The following PTPRT variants were observed in gnomAD, a reference collection of about 807,000 sequenced individuals.
PTPRT encodes protein tyrosine phosphatase receptor type T.
In PTPRT, 56 loss-of-function variants were observed where a neutral mutation model predicts 176.8. The ratio of observed to expected loss-of-function variants is 0.32; its 90% CI spans 0.26 to 0.40. The LOEUF is 0.40. PTPRT is among the 10% of genes least tolerant of loss of function. The pLI is 1.00. For missense variants in PTPRT, 1,540 were observed against 1,908.2 expected (o/e 0.81, Z 3.60); for synonymous variants, 783 against 739.0 (o/e 1.06, Z -0.96).
intron 2 of PTPRT, among the ~76,000 whole-genome samples, chr20:42,884,217 T>C (rs2079068896): frequency 6.6e-6 from 1 of 152,174 alleles, no homozygotes; most frequent in Non-Finnish European, 1.5e-5. Flanking sequence ...CACCTGTTGA[T>C]GACTTTGCTC....
At chr20:42,472,017 G>A (rs1197176301) in intron 8 of PTPRT, among the ~76,000 whole-genome samples, 2 of 152,152 alleles carry the variant, frequency 1.3e-5, no homozygotes, top group Non-Finnish European at 1.5e-5. Context: ...GCAAGAAGAG[G>A]GATGGGGGTA....
At chr20:43,150,878 T>C (rs1017023831) in intron 1 of PTPRT, among the ~76,000 whole-genome samples, 2 of 152,194 alleles carry the variant, frequency 1.3e-5, no homozygotes, top group Admixed American at 1.3e-4. Context: ...TGAAGGCAGA[T>C]GTGATCTGCC....
At chr20:42,057,468 C>T in the PTPRT span, among the ~76,000 whole-genome samples, 1 of 152,196 alleles carries the variant, frequency 6.6e-6, no homozygotes, top group African/African-American at 2.4e-5. Flanking sequence ...TGGCCTATAT[C>T]TTCCCCATCT....
chr20:42,654,495 T>C (rs956957880), intron 7 of PTPRT, among the ~76,000 whole-genome samples: 4 of 152,064 alleles, frequency 2.6e-5, no homozygotes, highest in Admixed American at 6.5e-5. Context: ...AACCCACTCA[T>C]TGAGGGCACG....
intron 2 of PTPRT, among the ~76,000 whole-genome samples, chr20:42,842,627 C>T: frequency 6.6e-6 from 1 of 152,194 alleles, no homozygotes; most frequent in Non-Finnish European, 1.5e-5. Context: ...ACCATGTTGG[C>T]TAGTATGGTC....
At chr20:42,930,088 C>A (rs1979735904) in intron 1 of PTPRT, among the ~76,000 whole-genome samples, 1 of 152,180 alleles carries the variant, frequency 6.6e-6, no homozygotes, top group Non-Finnish European at 1.5e-5. Context: ...TAAGCATAAT[C>A]TCTCCGGACT....
At chr20:42,408,451 T>A (rs2058981746) in intron 9 of PTPRT, among the ~76,000 whole-genome samples, 1 of 152,100 alleles carries the variant, frequency 6.6e-6, no homozygotes, top group South Asian at 2.1e-4. Flanking sequence ...TAAGGTGATG[T>A]TTTCTTGATA....
chr20:42,862,980 T>C (rs2078687302), intron 2 of PTPRT, among the ~76,000 whole-genome samples: 1 of 152,216 alleles, frequency 6.6e-6, no homozygotes, highest in Non-Finnish European at 1.5e-5. Context: ...GCATATGCAC[T>C]TCTACTATCT....
rs1453384386 is a variant in PTPRT, at chr20:43,007,016, C to T, written c.89-121084G>A. On this transcript the variant is annotated intron_variant, in intron 1 of 30. Transcript: ENST00000373187. ...CTTCATACATCAGCATGAACTGAAC[C>T]CAGGTGAATCTTGCCAGAACAATCA... Among the ~76,000 whole-genome samples, 5 of 152,128 alleles carry T rather than the reference C, an allele frequency of 3.3e-5. No individual in the cohort carries two copies. The South Asian group carries it at 1.0e-3, about 32-fold the overall frequency.
intron 1 of PTPRT, among the ~76,000 whole-genome samples, chr20:43,153,798 C>T (rs1239859651): frequency 6.6e-6 from 1 of 152,152 alleles, no homozygotes; most frequent in Non-Finnish European, 1.5e-5. Flanking sequence ...GATTGAATTT[C>T]CACAGAGGCT....
At chr20:42,414,426 A>T (rs1473400421) in intron 9 of PTPRT, among the ~76,000 whole-genome samples, 20 of 152,354 alleles carry the variant, frequency 1.3e-4, no homozygotes, top group Non-Finnish European at 1.9e-4. Flanking sequence ...TAAACAAGAG[A>T]CTGAAATAAA....
chr20:42,461,451 C>A (rs537391742), intron 8 of PTPRT, among the ~76,000 whole-genome samples: 2 of 152,120 alleles, frequency 1.3e-5, no homozygotes, highest in Non-Finnish European at 2.9e-5. Flanking sequence ...GTGGGAGGGC[C>A]GTTTGAGCCC....
intron 1 of PTPRT, among the ~76,000 whole-genome samples, chr20:43,028,462 T>A (rs1986008987): frequency 6.6e-6 from 1 of 152,192 alleles, no homozygotes. Flanking sequence ...GCCTCCAATA[T>A]CCTGCACTAT....
intron 1 of PTPRT, among the ~76,000 whole-genome samples, chr20:42,949,077 G>T (rs1329769602): frequency 2.0e-5 from 3 of 152,118 alleles, no homozygotes; most frequent in African/African-American, 7.2e-5. Flanking sequence ...TCTCTACTAT[G>T]ATATCATCCC....
At chr20:42,287,043 A>T (rs2147073088) in intron 12 of PTPRT, among the ~76,000 whole-genome samples, 1 of 152,150 alleles carries the variant, frequency 6.6e-6, no homozygotes, top group African/African-American at 2.4e-5. Context: ...ACAATGAGGT[A>T]TCATCTCACC....
At chr20:42,912,419 T>A (rs186833077) in intron 1 of PTPRT, among the ~76,000 whole-genome samples, 1 of 152,352 alleles carries the variant, frequency 6.6e-6, no homozygotes, top group Non-Finnish European at 1.5e-5. Context: ...TTATCCATTC[T>A]AATTTGTAAG....
At chr20:42,217,682 C>T (rs73268847) in intron 15 of PTPRT, among the ~76,000 whole-genome samples, 7,075 of 152,130 alleles carry the variant, frequency 0.047, 525 homozygotes, top group African/African-American at 0.16. Flanking sequence ...TAGTGCACTG[C>T]GGGATGCTTA....
chr20:42,617,289 C>G (rs1232825488), intron 7 of PTPRT, among the ~76,000 whole-genome samples: 1 of 133,852 alleles, frequency 7.5e-6, no homozygotes, highest in Non-Finnish European at 1.6e-5. Context: ...GGGATGAAGC[C>G]TACTTGATCA....
rs139142791 is a variant in PTPRT, at chr20:42,981,751, G to A, written c.89-95819C>T. ...CGCATGATTGTACACAAAATAAAAC[G>A]GCTATTGTATAAGCCACTAAGTTGT... On this transcript the variant is annotated intron_variant, in intron 1 of 30. Transcript: ENST00000373187. Among the ~76,000 whole-genome samples, 855 of 152,282 alleles carry A rather than the reference G, an allele frequency of 5.6e-3. 5 individuals carry two copies. The highest frequency in any genetic ancestry group is 7.2e-3 in the Non-Finnish European group (488 of 68,026).
Sources: gnomAD v4.1 joint callset for allele counts (sites outside exome capture counted in the v4.1 genomes callset) on GRCh38, gnomAD v4.1.1 for gene constraint, MANE v1.5 for transcripts, NCBI Gene and HGNC (gene_info 2026-07-23, HGNC 2026-07-21) for gene names.